TUSC3: variants seen among roughly 807,000 people sequenced by gnomAD.
TUSC3 encodes dolichyl-diphosphooligosaccharide--protein glycosyltransferase subunit TUSC3.
Under a neutral mutation model 44.8 loss-of-function variants are expected in TUSC3, and 45 were observed. The ratio of observed to expected loss-of-function variants is 1.00; its 90% CI spans 0.79 to 1.29. The LOEUF (loss-of-function observed/expected upper bound fraction) is 1.29, where lower values mean the gene tolerates loss of function less well. TUSC3 is among the 50% of genes most tolerant of loss of function. The pLI, the probability that TUSC3 is intolerant of heterozygous loss-of-function variation, is 0.00. For missense variants in TUSC3, 519 were observed against 437.9 expected, an observed-to-expected ratio of 1.19 and a Z score of -1.65; for synonymous variants, 212 against 152.9, an observed-to-expected ratio of 1.39 and a Z score of -2.85.
downstream of TUSC3, among the ~76,000 whole-genome samples, chr8:15,771,107 A>C (rs1050611070): frequency 6.6e-6 from 1 of 152,200 alleles, no homozygotes; most frequent in African/African-American, 2.4e-5. Context: ...GGCATTTTAC[A>C]GTGCTAAAAG....
At chr8:15,747,671 A>G (rs1394340228) in intron 8 of TUSC3, among the ~76,000 whole-genome samples, 1 of 152,060 alleles carries the variant, frequency 6.6e-6, no homozygotes, top group East Asian at 1.9e-4. Context: ...TACTGCTCGT[A>G]TTTTCAGCTT....
chr8:15,686,556 A>G (rs1808637068), intron 6 of TUSC3, among the ~76,000 whole-genome samples: 1 of 151,580 alleles, frequency 6.6e-6, no homozygotes. Context: ...CTTCACTTTC[A>G]TGCCTCAGGG....
At chr8:15,712,964 T>C (rs1187170968) in intron 6 of TUSC3, among the ~76,000 whole-genome samples, 1 of 152,138 alleles carries the variant, frequency 6.6e-6, no homozygotes, top group African/African-American at 2.4e-5. Context: ...GGTCACCAGT[T>C]ATTTCCATGC....
intron 6 of TUSC3, among the ~76,000 whole-genome samples, chr8:15,694,542 G>A (rs993427589): frequency 6.6e-6 from 1 of 151,634 alleles, no homozygotes; most frequent in Non-Finnish European, 1.5e-5. Flanking sequence ...TGCACTGGAT[G>A]TTTTTATCTT....
intron 1 of TUSC3, among the ~76,000 whole-genome samples, chr8:15,420,640 G>T (rs1225780538): frequency 6.6e-6 from 1 of 151,878 alleles, no homozygotes; most frequent in Non-Finnish European, 1.5e-5. Context: ...CTCTTTACCT[G>T]AATTCCTCCC....
intron 1 of TUSC3, among the ~76,000 whole-genome samples, chr8:15,599,190 G>A (rs895647362): frequency 1.3e-5 from 2 of 151,792 alleles, no homozygotes; most frequent in Non-Finnish European, 2.9e-5. Context: ...GTAATGTGGA[G>A]GATCTTTTTA....
intron 2 of TUSC3, among the ~76,000 whole-genome samples, chr8:15,503,593 A>G (rs912492510): frequency 2.0e-5 from 3 of 152,104 alleles, no homozygotes; most frequent in Non-Finnish European, 2.9e-5. Context: ...AGCCCCAGCT[A>G]CTCACAAGGC....
downstream of TUSC3, among the ~76,000 whole-genome samples, chr8:15,768,435 T>A (rs991821952): frequency 6.6e-6 from 1 of 152,128 alleles, no homozygotes; most frequent in Non-Finnish European, 1.5e-5. Flanking sequence ...AAGAAAGTCA[T>A]CTTATTCACA....
chr8:15,635,954 C>A (rs771925971), intron 2 of TUSC3, among the ~76,000 whole-genome samples: 14 of 152,098 alleles, frequency 9.2e-5, no homozygotes, highest in Non-Finnish European at 1.9e-4. Context: ...ATTTGTTGTT[C>A]AAAAGATAGA....
the TUSC3 span, among the ~76,000 whole-genome samples, chr8:15,826,993 G>A: frequency 2.6e-5 from 4 of 152,134 alleles, no homozygotes; most frequent in Admixed American, 2.6e-4. Context: ...GCAGGTCAGA[G>A]TTCTGTTATA....
At chr8:15,533,504 T>C (rs1450765071) in intron 2 of TUSC3, among the ~76,000 whole-genome samples, 4 of 152,332 alleles carry the variant, frequency 2.6e-5, no homozygotes, top group East Asian at 3.9e-4. Context: ...CGAACTGTTT[T>C]AGGGTAAAGA....
At position 15,423,808 on chromosome 8, in the gene TUSC3, C is replaced by T. The variant is rs185429683; in HGVS notation, n.91+6503C>T. On this transcript the variant is annotated intron_variant and non_coding_transcript_variant, in intron 1 of 5. Transcript: ENST00000503191. ...TGTCCTGATATCCATAAACCTGTCT[C>T]GCTGTCTGGAGCCCTCATAATACAG... Among the ~76,000 whole-genome samples the T allele has an allele frequency of 9.1e-4, 139 of 152,046 alleles. 2 individuals are homozygous for T. The highest frequency in any genetic ancestry group is 1.2e-3 in the Admixed American group (19 of 15,260).
At chr8:15,441,985 C>T (rs1014414763) in intron 1 of TUSC3, among the ~76,000 whole-genome samples, 1 of 152,108 alleles carries the variant, frequency 6.6e-6, no homozygotes, top group Non-Finnish European at 1.5e-5. Context: ...ATTTGTTTCC[C>T]GATAAGTTGG....
At chr8:15,851,271 A>G in the TUSC3 span, among the ~76,000 whole-genome samples, 2 of 152,198 alleles carry the variant, frequency 1.3e-5, no homozygotes, top group Non-Finnish European at 2.9e-5. Context: ...AGCATCTTTT[A>G]TAGGTGCCAG....
the TUSC3 span, among the ~76,000 whole-genome samples, chr8:15,817,045 A>G: frequency 6.6e-6 from 1 of 152,208 alleles, no homozygotes; most frequent in Non-Finnish European, 1.5e-5. Flanking sequence ...CTTTTTAAAA[A>G]AAAATCATGT....
At chr8:15,729,468 T>C (rs1474601350) in intron 6 of TUSC3, among the ~76,000 whole-genome samples, 5 of 152,092 alleles carry the variant, frequency 3.3e-5, no homozygotes, top group Non-Finnish European at 4.4e-5. Flanking sequence ...CTTTATGTGA[T>C]TGTCAATCAA....
At chr8:15,586,728 T>C (rs892776780) in intron 1 of TUSC3, among the ~76,000 whole-genome samples, 10 of 152,200 alleles carry the variant, frequency 6.6e-5, no homozygotes, top group Admixed American at 6.5e-4. Flanking sequence ...TAGCTGAGCA[T>C]ACCTATTGTG....
chr8:15,600,033 T>C (rs926013345), intron 1 of TUSC3, among the ~76,000 whole-genome samples: 2 of 151,768 alleles, frequency 1.3e-5, no homozygotes, highest in Non-Finnish European at 3.0e-5. Context: ...TCTTTAGTAA[T>C]CTGTGTACCT....
At chr8:15,609,614 C>T (rs1804676103) in intron 1 of TUSC3, among the ~76,000 whole-genome samples, 1 of 151,772 alleles carries the variant, frequency 6.6e-6, no homozygotes, top group Non-Finnish European at 1.5e-5. Flanking sequence ...GATGACTGTC[C>T]CTGATTAAAA....
Sources: allele counts gnomAD v4.1 joint callset (sites outside exome capture counted in the v4.1 genomes callset), GRCh38; gene constraint gnomAD v4.1.1; transcripts MANE v1.5; gene names NCBI Gene and HGNC (gene_info 2026-07-23, HGNC 2026-07-21).